Variants in AAMDC observed in about 807,000 individuals in gnomAD.
The protein encoded by AAMDC is adipogenesis associated Mth938 domain containing.
Under a neutral mutation model 15.5 loss-of-function variants are expected in AAMDC, and 16 were observed. That is an observed-to-expected ratio of 1.03 (90% CI 0.70 to 1.57). AAMDC has a LOEUF of 1.57. Ranked by LOEUF, AAMDC falls within the 40% of genes most tolerant of loss-of-function variation. AAMDC has a pLI of 0.00. For synonymous variants in AAMDC, 51 were observed against 51.6 expected (o/e 0.99, Z 0.05); for missense variants, 141 against 144.9 (o/e 0.97, Z 0.14).
chr11:77,876,240 G>T (rs1951590728), downstream of AAMDC, among the ~76,000 whole-genome samples: 1 of 152,126 alleles, frequency 6.6e-6, no homozygotes, highest in South Asian at 2.1e-4. Flanking sequence ...ACTAAGAACA[G>T]ACCCCTGTGA....
intron 1 of AAMDC, among the ~76,000 whole-genome samples, chr11:77,836,360 G>A (rs1383829309): frequency 1.3e-5 from 2 of 151,956 alleles, no homozygotes; most frequent in Non-Finnish European, 2.9e-5. Flanking sequence ...AATAGGATGG[G>A]TGAATTTATA....
chr11:77,825,204 G>A (rs904710113), intron 1 of AAMDC, among the ~76,000 whole-genome samples: 13 of 151,718 alleles, frequency 8.6e-5, no homozygotes, highest in Non-Finnish European at 1.8e-4. Flanking sequence ...GGATGGTCTC[G>A]ATCTCCTGAC....
At chr11:77,850,891 TCTC>T (rs1950348246) in intron 2 of AAMDC, 1 of 151,936 alleles carries the variant, frequency 6.6e-6, no homozygotes, top group Admixed American at 6.6e-5. Context: ...ACATGAATAT[TCTC>T]CTCTATAACT....
chr11:77,832,422 G>T (rs1590927087), intron 1 of AAMDC, among the ~76,000 whole-genome samples: 1 of 151,620 alleles, frequency 6.6e-6, no homozygotes, highest in Non-Finnish European at 1.5e-5. Flanking sequence ...CGCCTCCCGG[G>T]TTCAAGCGAT....
At chr11:77,885,527 T>C (rs1182215528) in intron 5 of AAMDC, among the ~76,000 whole-genome samples, 1 of 151,758 alleles carries the variant, frequency 6.6e-6, no homozygotes, top group Admixed American at 6.6e-5. Context: ...TTTTAGAAAA[T>C]GAAGGGGAGG....
rs777365865 is a variant in AAMDC at position 77,883,853 on chromosome 11, G to A, written c.328+6804G>A. On this transcript the variant is annotated intron_variant, in intron 5 of 5. Coordinates refer to the AAMDC transcript ENST00000304716. ...TTACCTGTCCAAGCGGTGTGGGAGA[G>A]ATAAACCTGAGTGATGAGCCGGTGC... is the stretch of plus-strand genomic sequence containing the variant. 9.9e-6 allele frequency: 16 copies of A among 1,612,740 alleles called. No homozygotes were observed. The highest frequency in any genetic ancestry group is 1.3e-5 in the Non-Finnish European group (15 of 1,179,450).
intron 5 of AAMDC, among the ~76,000 whole-genome samples, chr11:77,897,578 G>A (rs1952581916): frequency 1.3e-5 from 2 of 151,218 alleles, no homozygotes; most frequent in South Asian, 4.2e-4. Context: ...TCAGCTCACT[G>A]CAAGCTCCAC....
At chr11:77,840,586 CAT>C (rs1476705328) in intron 1 of AAMDC, among the ~76,000 whole-genome samples, 1 of 152,052 alleles carries the variant, frequency 6.6e-6, no homozygotes, top group Non-Finnish European at 1.5e-5. Context: ...CTAATAAAAA[CAT>C]AAAAGAAACT....
chr11:77,848,916 A>C (rs1322738108), intron 2 of AAMDC, among the ~76,000 whole-genome samples: 2 of 152,072 alleles, frequency 1.3e-5, no homozygotes, highest in Non-Finnish European at 2.9e-5. Context: ...TTATCATCCC[A>C]ACTAGCTAGA....
intron 5 of AAMDC, among the ~76,000 whole-genome samples, chr11:77,889,548 AT>A (rs1476908544): frequency 9.8e-5 from 15 of 152,304 alleles, no homozygotes; most frequent in African/African-American, 2.9e-4. Flanking sequence ...AAGTATAATA[AT>A]AATAAAATAA....
chr11:77,837,804 GC>G (rs985475020), intron 1 of AAMDC, among the ~76,000 whole-genome samples: 4 of 152,112 alleles, frequency 2.6e-5, no homozygotes, highest in Admixed American at 1.3e-4. Flanking sequence ...TGCCTATAAT[GC>G]AAGCACTTGG....
At chr11:77,862,504 C>A (rs1340677496) in intron 2 of AAMDC, among the ~76,000 whole-genome samples, 1 of 152,146 alleles carries the variant, frequency 6.6e-6, no homozygotes, top group Non-Finnish European at 1.5e-5. Context: ...TTGGAGAGGG[C>A]ATAATTGGGG....
intron 5 of AAMDC, among the ~76,000 whole-genome samples, chr11:77,883,394 G>GA (rs1407168441): frequency 6.6e-6 from 1 of 151,756 alleles, no homozygotes; most frequent in African/African-American, 2.4e-5. Flanking sequence ...GTTGGCAAAT[G>GA]AAAAAAAATA....
intron 5 of AAMDC, among the ~76,000 whole-genome samples, chr11:77,900,072 A>C (rs1952710300): frequency 6.6e-6 from 1 of 152,034 alleles, no homozygotes; most frequent in Non-Finnish European, 1.5e-5. Context: ...GTAGGGATTA[A>C]ACATTTGTTA....
chr11:77,865,281 T>C (rs1246111472), intron 2 of AAMDC, among the ~76,000 whole-genome samples: 1 of 152,116 alleles, frequency 6.6e-6, no homozygotes, highest in Admixed American at 6.5e-5. Context: ...AAGATAGAAG[T>C]GTCTTTCTCT....
chr11:77,893,891 T>TTAAATAAATAAATAAATAAA (rs56269909), intron 5 of AAMDC, among the ~76,000 whole-genome samples: 2,058 of 137,854 alleles, frequency 0.015, 28 homozygotes, highest in Non-Finnish European at 0.018. Flanking sequence ...AGACTCTGTC[T>TTAAATAAATAAATAAATAAA]TAAATAAATA....
At position 77,878,865 on chromosome 11, in the gene AAMDC, T is replaced by C. The variant is rs193256096; in HGVS notation, c.328+1816T>C. 9 of 966,254 alleles carry C rather than the reference T, an allele frequency of 9.3e-6. No homozygotes were observed. In the East Asian group the frequency reaches 1.7e-4, roughly 18 times the overall value. 59.9% of individuals were successfully genotyped at this position (966,254 alleles called of 1,614,324 possible). On this transcript the variant is annotated intron_variant, in intron 5 of 5. Coordinates refer to the AAMDC transcript ENST00000304716. Reference sequence around the variant, plus strand: ...CATACTCCTTAAGCCTACACATCAATTCCAGGTGAAGTGCTTCAGGCTTGG... The same window carrying C: ...CATACTCCTTAAGCCTACACATCAACTCCAGGTGAAGTGCTTCAGGCTTGG...
intron 2 of AAMDC, among the ~76,000 whole-genome samples, chr11:77,858,917 T>C (rs972898242): frequency 6.6e-6 from 1 of 152,236 alleles, no homozygotes; most frequent in African/African-American, 2.4e-5. Flanking sequence ...GATACAGGGA[T>C]TGAAATGCAT....
At chr11:77,878,582 C>G in intron 5 of AAMDC, 1 of 549,860 alleles carries the variant, frequency 1.8e-6, no homozygotes, top group South Asian at 2.7e-5. Flanking sequence ...AGAAATAAGA[C>G]TATAGCTCAA....
Sources: gnomAD v4.1 joint callset for allele counts (sites outside exome capture counted in the v4.1 genomes callset) on GRCh38, gnomAD v4.1.1 for gene constraint, MANE v1.5 for transcripts, NCBI Gene and HGNC (gene_info 2026-07-23, HGNC 2026-07-21) for gene names.